The following SLC25A42 variants were observed in gnomAD, a reference collection of about 807,000 sequenced individuals.
SLC25A42 encodes the protein mitochondrial coenzyme A transporter SLC25A42.
Under a neutral mutation model 34.7 loss-of-function variants are expected in SLC25A42, and 19 were observed. That is an observed-to-expected ratio of 0.55 (90% CI 0.38 to 0.80). SLC25A42 has a LOEUF of 0.80. SLC25A42 is among the 30% of genes least tolerant of loss of function. SLC25A42 has a pLI of 0.00. For synonymous variants in SLC25A42, 205 were observed against 191.2 expected (o/e 1.07, Z -0.59); for missense variants, 364 against 441.3 (o/e 0.82, Z 1.57).
At chr19:19,100,068 G>A (rs1039308301) in intron 2 of SLC25A42, among the ~76,000 whole-genome samples, 3 of 151,826 alleles carry the variant, frequency 2.0e-5, no homozygotes, top group African/African-American at 4.8e-5. Flanking sequence ...TCGGCCGGGC[G>A]CGGTGTCTCA....
At chr19:19,077,812 G>A (rs1347768100) in intron 1 of SLC25A42, among the ~76,000 whole-genome samples, 1 of 152,166 alleles carries the variant, frequency 6.6e-6, no homozygotes, top group African/African-American at 2.4e-5. Flanking sequence ...ACTTGAATCC[G>A]GGAGGTGGAA....
intron 1 of SLC25A42, among the ~76,000 whole-genome samples, chr19:19,064,539 A>G (rs1568503517): frequency 7.1e-6 from 1 of 140,738 alleles, no homozygotes; most frequent in Non-Finnish European, 1.5e-5. Context: ...TGTGACTCCT[A>G]ACTCATGGCC....
chr19:19,104,583 C>A (rs1409812936), intron 3 of SLC25A42, among the ~76,000 whole-genome samples: 4 of 152,208 alleles, frequency 2.6e-5, no homozygotes, highest in Non-Finnish European at 5.9e-5. Context: ...CACATGTAGA[C>A]CCCTGCAGGC....
intron 3 of SLC25A42, 128 bp downstream of exon 3, chr19:19,102,014 G>GTTT: frequency 4.4e-5 from 23 of 523,188 alleles, no homozygotes; most frequent in African/African-American, 6.1e-5. Context: ...GTTTTTTGTT[G>GTTT]TTTTTTTTTT....
intron 2 of SLC25A42, among the ~76,000 whole-genome samples, chr19:19,098,792 C>G (rs777856975): frequency 2.0e-5 from 3 of 152,120 alleles, no homozygotes; most frequent in Non-Finnish European, 2.9e-5. Flanking sequence ...GGGTGGCGCG[C>G]AGCTGTAATC....
chr19:19,080,158 T>G (rs1322728163), intron 1 of SLC25A42, among the ~76,000 whole-genome samples: 3 of 152,126 alleles, frequency 2.0e-5, no homozygotes, highest in Non-Finnish European at 4.4e-5. Context: ...AGACCAACTC[T>G]CAGATGAGGA....
At chr19:19,094,821 G>A (rs918316418) in intron 1 of SLC25A42, among the ~76,000 whole-genome samples, 76 of 152,002 alleles carry the variant, frequency 5.0e-4, no homozygotes, top group Non-Finnish European at 4.4e-5. Context: ...CCAGAGGATC[G>A]CTTGAGCCCA....
rs1466609077 is a variant in SLC25A42, at chr19:19,069,689, A to C, written c.-35+5574A>C. Reference sequence around the variant, plus strand: ...TTCTTTTTAGAGATGGGGTCTCACTATGTTGTTCACGCTGGAGTGCAGTGA... The same window carrying C: ...TTCTTTTTAGAGATGGGGTCTCACTCTGTTGTTCACGCTGGAGTGCAGTGA... On this transcript the variant is annotated intron_variant, in intron 1 of 7. Transcript: ENST00000318596. Among the ~76,000 whole-genome samples, 4 of 152,102 alleles carry C rather than the reference A, an allele frequency of 2.6e-5. No homozygotes were observed. The East Asian group carries it at 7.8e-4, about 29-fold the overall frequency.
intron 1 of SLC25A42, among the ~76,000 whole-genome samples, chr19:19,093,912 G>A (rs970888349): frequency 6.6e-6 from 1 of 152,188 alleles, no homozygotes; most frequent in East Asian, 1.9e-4. Flanking sequence ...TCCTGAGCTC[G>A]TGATCTGCCC....
In SLC25A42 at chr19:19,111,083, G is replaced by T; in HGVS notation, c.*207G>T. ...CTGGAAGTGCAGTGTTGGGGCGATG[G>T]TGTGGGGGGTCCCGCAGCTCCCCTC... On this transcript the variant is annotated 3_prime_UTR_variant, in exon 8 of 8. Coordinates refer to ENST00000318596, the MANE Select transcript of SLC25A42 (RefSeq NM_178526.5). The T allele has an allele frequency of 1.7e-6, 1 of 598,824 alleles. No individual in the cohort carries two copies. Among genetic ancestry groups the T allele is most frequent in the South Asian group, 2.0e-5 (1 of 49,814 alleles). The allele number at this position is 598,824 out of a possible 1,614,324, so 37.1% of individuals were successfully genotyped here.
chr19:19,098,864 C>T (rs1290965082), intron 2 of SLC25A42, among the ~76,000 whole-genome samples: 3 of 152,242 alleles, frequency 2.0e-5, no homozygotes, highest in South Asian at 2.1e-4. Flanking sequence ...GCAGAGGTTG[C>T]AGTGAGCCAA....
chr19:19,070,540 C>G (rs890996824), intron 1 of SLC25A42, among the ~76,000 whole-genome samples: 9 of 152,124 alleles, frequency 5.9e-5, no homozygotes, highest in Middle Eastern at 3.4e-3. Context: ...AGTGATCTGC[C>G]CAACTCGGCC....
chr19:19,090,641 G>T (rs185319601), intron 1 of SLC25A42, among the ~76,000 whole-genome samples: 1 of 151,916 alleles, frequency 6.6e-6, no homozygotes, highest in Non-Finnish European at 1.5e-5. Context: ...GTGAGACCCC[G>T]TCTCAAAACA....
At chr19:19,072,763 C>T (rs1298151597) in intron 1 of SLC25A42, among the ~76,000 whole-genome samples, 1 of 152,128 alleles carries the variant, frequency 6.6e-6, no homozygotes, top group African/African-American at 2.4e-5. Context: ...CATGCAGCCT[C>T]GACCTCCTGG....
intron 1 of SLC25A42, among the ~76,000 whole-genome samples, chr19:19,089,679 C>G (rs995685328): frequency 1.1e-4 from 17 of 152,024 alleles, no homozygotes; most frequent in Middle Eastern, 3.4e-3. Flanking sequence ...ACCAGCCTGC[C>G]CAACATGGTG....
chr19:19,099,142 G>A (rs10221529), intron 2 of SLC25A42, among the ~76,000 whole-genome samples: 9,681 of 152,138 alleles, frequency 0.064, 373 homozygotes, highest in Middle Eastern at 0.15. Context: ...ACCAACAAGC[G>A]CCCGCAATTC....
chr19:19,110,489 G>T, intron 7 of SLC25A42, 80 bp from the exon 8 acceptor site: 2 of 1,239,880 alleles, frequency 1.6e-6, no homozygotes, highest in Non-Finnish European at 2.1e-6. Flanking sequence ...TGCTCCTAGG[G>T]GTGCAAAGGC....
Position 19,109,943 on chromosome 19 carries a change from CG to C in SLC25A42, c.650-623del, listed in dbSNP as rs1216550986. ...GAGGGCGCAGGTCGGGGACCAGGCA[CG>C]GGAGCACCTAGAATGTTCCTTTACT... On this transcript the variant is annotated intron_variant, in intron 7 of 7. Coordinates refer to ENST00000318596, the MANE Select transcript of SLC25A42 (RefSeq NM_178526.5). The surrounding 1 kb of genome is among the most constrained non-coding windows in gnomAD (Gnocchi z 4.1). Among the ~76,000 whole-genome samples the C allele has an allele frequency of 6.6e-6, 1 of 152,120 alleles. No individual in the cohort carries two copies. The highest frequency in any genetic ancestry group is 1.5e-5 in the Non-Finnish European group (1 of 68,034).
Position 19,104,518 on chromosome 19 carries a change from G to T in SLC25A42, c.188-395G>T, listed in dbSNP as rs541210883. On this transcript the variant is annotated intron_variant, in intron 3 of 7. Coordinates refer to ENST00000318596, the MANE Select transcript of SLC25A42 (RefSeq NM_178526.5). ...CACAGGGGGTGGGAGAGGCAGGATA[G>T]CGGTGCCTGTGCTGGGACCCTGGGA... is the stretch of plus-strand genomic sequence containing the variant. Among the ~76,000 whole-genome samples, 5 of 152,350 alleles carry T rather than the reference G, an allele frequency of 3.3e-5. No individual in the cohort carries two copies. In the South Asian group the frequency reaches 1.0e-3, roughly 32 times the overall value.
Sources: gnomAD v4.1 joint callset for allele counts (sites outside exome capture counted in the v4.1 genomes callset) on GRCh38, gnomAD v4.1.1 for gene constraint, Gnocchi (gnomAD v3.1) non-coding constraint, MANE v1.5 for transcripts, NCBI Gene and HGNC (gene_info 2026-07-23, HGNC 2026-07-21) for gene names.